PLXDC2: variants seen among roughly 807,000 people sequenced by gnomAD.
The protein encoded by PLXDC2 is plexin domain-containing protein 2.
Under a neutral mutation model 68.9 loss-of-function variants are expected in PLXDC2, and 40 were observed. The observed-to-expected ratio is 0.58, with a 90% CI of 0.45 to 0.76. The LOEUF (loss-of-function observed/expected upper bound fraction) is 0.76. PLXDC2 is among the 30% of genes least tolerant of loss of function. The pLI is 0.00. For missense variants in PLXDC2, 644 were observed against 661.9 expected (o/e 0.97, Z 0.30); for synonymous variants, 243 against 234.2 (o/e 1.04, Z -0.34).
At chr10:20,251,461 A>G (rs1003074316) in intron 13 of PLXDC2, among the ~76,000 whole-genome samples, 1 of 152,138 alleles carries the variant, frequency 6.6e-6, no homozygotes, top group Non-Finnish European at 1.5e-5. Context: ...AAGGGTCAAT[A>G]TATCTAGGTT....
intron 4 of PLXDC2, among the ~76,000 whole-genome samples, chr10:20,089,266 A>G (rs1833245206): frequency 6.6e-6 from 1 of 152,022 alleles, no homozygotes; most frequent in Admixed American, 6.6e-5. Flanking sequence ...TCAAACATAA[A>G]ATCAATTTCC....
intron 1 of PLXDC2, among the ~76,000 whole-genome samples, chr10:19,899,140 G>T (rs1262657671): frequency 6.6e-6 from 1 of 152,128 alleles, no homozygotes; most frequent in African/African-American, 2.4e-5. Context: ...CTTCCACCCT[G>T]GCTCATGTGG....
At chr10:19,946,296 A>T (rs1177097642) in intron 1 of PLXDC2, among the ~76,000 whole-genome samples, 1 of 152,040 alleles carries the variant, frequency 6.6e-6, no homozygotes, top group Non-Finnish European at 1.5e-5. Context: ...AAACATTAAT[A>T]TTCAATACTC....
rs756778301 is a variant in PLXDC2 at position 20,239,857 on chromosome 10, A to T, written c.1313-5488A>T. Among the ~76,000 whole-genome samples, 34 of 152,340 alleles carry T rather than the reference A, an allele frequency of 2.2e-4. 1 individual carries two copies. The highest frequency in any genetic ancestry group is 4.6e-4 in the Admixed American group (7 of 15,292). On this transcript the variant is annotated intron_variant, in intron 12 of 13. Transcript: ENST00000377252. Reference sequence around the variant, plus strand: ...AGCAGTCTTCCCTAGAGGTGAATGAACTAAACTTCATTTATGGGAATTAGT... The same window carrying T: ...AGCAGTCTTCCCTAGAGGTGAATGATCTAAACTTCATTTATGGGAATTAGT...
intron 12 of PLXDC2, among the ~76,000 whole-genome samples, chr10:20,221,103 A>G (rs113227863): frequency 2.6e-4 from 40 of 152,060 alleles, no homozygotes; most frequent in African/African-American, 9.2e-4. Context: ...TCGACCTCCC[A>G]AAGTGCTGGG....
At chr10:19,906,139 A>G (rs191102595) in intron 1 of PLXDC2, among the ~76,000 whole-genome samples, 1 of 152,286 alleles carries the variant, frequency 6.6e-6, no homozygotes, top group African/African-American at 2.4e-5. Flanking sequence ...GAGAGGGACT[A>G]AAGTGTGAGT....
chr10:20,046,725 C>A, intron 2 of PLXDC2, 144 bp from the exon 3 acceptor site: 1 of 737,642 alleles, frequency 1.4e-6, no homozygotes, highest in Non-Finnish European at 2.0e-6. Context: ...CTTATTTAAT[C>A]CAAATTCACT....
chr10:20,061,542 T>A (rs1836103233), intron 3 of PLXDC2, among the ~76,000 whole-genome samples: 1 of 152,324 alleles, frequency 6.6e-6, no homozygotes, highest in East Asian at 1.9e-4. Flanking sequence ...AGATTTTGTC[T>A]TTTCACTGTA....
intron 1 of PLXDC2, among the ~76,000 whole-genome samples, chr10:19,963,901 T>C (rs1427866410): frequency 6.6e-6 from 1 of 152,136 alleles, no homozygotes; most frequent in Non-Finnish European, 1.5e-5. Flanking sequence ...AAGTCAGAAA[T>C]TGAGCTTGCA....
chr10:20,024,142 A>C (rs1436263499), intron 2 of PLXDC2, among the ~76,000 whole-genome samples: 1 of 152,182 alleles, frequency 6.6e-6, no homozygotes, highest in Non-Finnish European at 1.5e-5. Context: ...ACTTTCAAAA[A>C]CATTCCTTTT....
At chr10:20,246,856 T>C (rs1041145240) in intron 13 of PLXDC2, among the ~76,000 whole-genome samples, 1 of 152,252 alleles carries the variant, frequency 6.6e-6, no homozygotes, top group Non-Finnish European at 1.5e-5. Flanking sequence ...TTTTTTTTAA[T>C]GACTTTTAAA....
intron 1 of PLXDC2, among the ~76,000 whole-genome samples, chr10:19,859,556 A>G (rs1050974897): frequency 3.1e-4 from 47 of 152,158 alleles, no homozygotes; most frequent in African/African-American, 1.1e-3. Flanking sequence ...CAGACATATT[A>G]TAGGTCAAGT....
intron 1 of PLXDC2, among the ~76,000 whole-genome samples, chr10:19,933,651 CAACA>C (rs1256460267): frequency 7.3e-5 from 11 of 151,668 alleles, no homozygotes; most frequent in Admixed American, 5.3e-4. Context: ...AAAACAAAAA[CAACA>C]AACAAAACAC....
intron 1 of PLXDC2, among the ~76,000 whole-genome samples, chr10:19,908,703 A>G (rs1833214246): frequency 6.6e-6 from 1 of 152,272 alleles, no homozygotes; most frequent in African/African-American, 2.4e-5. Context: ...ACCTGACAAT[A>G]TACCCTATGT....
At chr10:20,229,199 A>T (rs1033757386) in intron 12 of PLXDC2, among the ~76,000 whole-genome samples, 8 of 152,068 alleles carry the variant, frequency 5.3e-5, no homozygotes, top group Non-Finnish European at 7.4e-5. Flanking sequence ...GAGGGAAGGG[A>T]GACAGGAGGG....
At position 20,271,166 on chromosome 10, in the gene PLXDC2, A is replaced by C. The variant is rs116303443; in HGVS notation, c.1474-8537A>C. Among the ~76,000 whole-genome samples the C allele has an allele frequency of 1.6e-4, 9 of 56,294 alleles. 1 individual carries two copies. The highest frequency in any genetic ancestry group is 5.0e-4 in the Admixed American group (3 of 6,052). The allele number at this position is 56,294 out of a possible 152,430, so 36.9% of individuals were successfully genotyped here. A position where few individuals can be genotyped will look rare whatever the true frequency, so the allele number is the denominator to read the frequency against. On this transcript the variant is annotated intron_variant, in intron 13 of 13. Coordinates refer to ENST00000377252, the MANE Select transcript of PLXDC2 (RefSeq NM_032812.9). ...ACACACACACACACACACACACACA[A>C]ACAGAGCAAGATGCAAGAAAATATA...
chr10:20,165,360 G>A (rs1408349637), intron 7 of PLXDC2, among the ~76,000 whole-genome samples: 1 of 151,794 alleles, frequency 6.6e-6, no homozygotes, highest in Non-Finnish European at 1.5e-5. Flanking sequence ...ATGGTGCCAC[G>A]CTGGTGCGCT....
At chr10:20,187,647 T>C (rs1310345514) in intron 9 of PLXDC2, among the ~76,000 whole-genome samples, 1 of 151,882 alleles carries the variant, frequency 6.6e-6, no homozygotes, top group Non-Finnish European at 1.5e-5. Context: ...CAGAAATGGA[T>C]AGAAAATAAA....
chr10:19,886,169 G>GT (rs755517614), intron 1 of PLXDC2, among the ~76,000 whole-genome samples: 2 of 152,140 alleles, frequency 1.3e-5, no homozygotes, highest in African/African-American at 2.4e-5. Flanking sequence ...TGTTATTGGT[G>GT]TATAGGAATG....
Sources: allele counts gnomAD v4.1 joint callset (sites outside exome capture counted in the v4.1 genomes callset), GRCh38; gene constraint gnomAD v4.1.1; transcripts MANE v1.5; gene names NCBI Gene and HGNC (gene_info 2026-07-23, HGNC 2026-07-21).